Variants in KLHL32 observed in about 807,000 individuals in gnomAD.
KLHL32 encodes the protein kelch-like protein 32.
A neutral mutation model predicts 64.8 loss-of-function variants in KLHL32; 35 were observed. That is an observed-to-expected ratio of 0.54 (90% CI 0.41 to 0.72). The LOEUF is 0.72. KLHL32 is among the 30% of genes least tolerant of loss of function. KLHL32 has a pLI of 0.00. For synonymous variants in KLHL32, 259 were observed against 281.0 expected, an observed-to-expected ratio of 0.92 and a Z score of 0.78; for missense variants, 589 against 768.5, an observed-to-expected ratio of 0.77 and a Z score of 2.76.
At chr6:97,088,571 A>C (rs763512655) in intron 6 of KLHL32, among the ~76,000 whole-genome samples, 1 of 152,208 alleles carries the variant, frequency 6.6e-6, no homozygotes. Context: ...AAAGGGCACA[A>C]AACTTTCAGT....
intron 1 of KLHL32, among the ~76,000 whole-genome samples, chr6:96,961,119 C>CAT (rs1248883515): frequency 6.6e-6 from 1 of 152,178 alleles, no homozygotes; most frequent in African/African-American, 2.4e-5. Flanking sequence ...GCAAAGAAGA[C>CAT]ATATTTGGGG....
the KLHL32 span, among the ~76,000 whole-genome samples, chr6:96,911,546 C>A: frequency 1.3e-5 from 2 of 152,106 alleles, no homozygotes; most frequent in African/African-American, 4.8e-5. Flanking sequence ...ACCTTCTACC[C>A]CGAATCTCTT....
chr6:97,140,029 A>T lies in KLHL32; in HGVS notation c.*747A>T, dbSNP rs1221235606. 6.6e-6 allele frequency: 1 copy of T among 152,176 alleles called. No homozygotes were observed. Among genetic ancestry groups the T allele is most frequent in the East Asian group, 1.9e-4 (1 of 5,200 alleles). The allele number at this position is 152,176 out of a possible 1,614,324, so 9.4% of individuals were successfully genotyped here. On this transcript the variant is annotated 3_prime_UTR_variant, in exon 11 of 11. Transcript: ENST00000369261. ...AAGAAAAAGAAAAATGTTGTTACTGAAATTATAAGGTATTTTATTGTCTTT... is the reference window on the plus strand; with the variant it reads ...AAGAAAAAGAAAAATGTTGTTACTGTAATTATAAGGTATTTTATTGTCTTT...
intron 10 of KLHL32, among the ~76,000 whole-genome samples, chr6:97,137,102 T>C (rs1219538712): frequency 6.6e-6 from 1 of 152,200 alleles, no homozygotes; most frequent in Non-Finnish European, 1.5e-5. Context: ...ATTTACTTTT[T>C]GTATTTAATG....
At chr6:96,981,530 T>C (rs541239537) in intron 3 of KLHL32, among the ~76,000 whole-genome samples, 18 of 152,252 alleles carry the variant, frequency 1.2e-4, no homozygotes, top group Admixed American at 9.2e-4. Context: ...TTTTATATGA[T>C]TTTTAGAATC....
At chr6:96,986,252 T>A (rs1463947522) in intron 3 of KLHL32, among the ~76,000 whole-genome samples, 1 of 152,080 alleles carries the variant, frequency 6.6e-6, no homozygotes, top group African/African-American at 2.4e-5. Flanking sequence ...CAGAGGAGTA[T>A]CCGGCCGTGT....
At chr6:97,086,018 T>G (rs952820592) in intron 6 of KLHL32, among the ~76,000 whole-genome samples, 3 of 152,208 alleles carry the variant, frequency 2.0e-5, no homozygotes, top group African/African-American at 7.2e-5. Context: ...CCTTGAAAAA[T>G]CCACTTGGTG....
At chr6:97,049,436 A>G (rs1786477004) in intron 4 of KLHL32, among the ~76,000 whole-genome samples, 1 of 152,196 alleles carries the variant, frequency 6.6e-6, no homozygotes, top group Non-Finnish European at 1.5e-5. Flanking sequence ...ACAGAGTGGG[A>G]TGGTGGGAGA....
intron 7 of KLHL32, among the ~76,000 whole-genome samples, chr6:97,126,476 T>C (rs1198510511): frequency 2.0e-5 from 3 of 152,086 alleles, no homozygotes; most frequent in Non-Finnish European, 4.4e-5. Flanking sequence ...GAAACTTAGC[T>C]GGAAGTGTGA....
intron 4 of KLHL32, among the ~76,000 whole-genome samples, chr6:97,049,542 A>G (rs1233584010): frequency 7.5e-6 from 1 of 134,174 alleles, no homozygotes; most frequent in South Asian, 2.6e-4. Flanking sequence ...GCAGTTTACC[A>G]TGGGTAACTG....
chr6:97,052,758 A>G (rs1047876819), intron 4 of KLHL32, among the ~76,000 whole-genome samples: 1 of 152,218 alleles, frequency 6.6e-6, no homozygotes, highest in Non-Finnish European at 1.5e-5. Flanking sequence ...AATATTTTAA[A>G]TTTTATACCT....
intron 10 of KLHL32, among the ~76,000 whole-genome samples, chr6:97,135,645 A>T (rs945145406): frequency 6.6e-6 from 1 of 152,196 alleles, no homozygotes; most frequent in Non-Finnish European, 1.5e-5. Context: ...AAGTATCCCT[A>T]TAAGCATATG....
At chr6:97,000,949 T>C (rs1042793652) in intron 3 of KLHL32, among the ~76,000 whole-genome samples, 4 of 152,330 alleles carry the variant, frequency 2.6e-5, no homozygotes, top group Admixed American at 6.5e-5. Context: ...ATCTATTCTA[T>C]GAATCCAACT....
chr6:97,061,541 G>C (rs1312303626), intron 4 of KLHL32, among the ~76,000 whole-genome samples: 1 of 152,158 alleles, frequency 6.6e-6, no homozygotes, highest in African/African-American at 2.4e-5. Context: ...TGTGCTTTCA[G>C]ATCTTGGGGA....
At chr6:96,945,198 C>G (rs1582428870) in intron 1 of KLHL32, among the ~76,000 whole-genome samples, 2 of 152,182 alleles carry the variant, frequency 1.3e-5, no homozygotes, top group South Asian at 4.1e-4. Context: ...TCATTTAATC[C>G]TAGCACATGG....
At chr6:96,982,919 TC>T (rs1444733362) in intron 3 of KLHL32, among the ~76,000 whole-genome samples, 1 of 152,280 alleles carries the variant, frequency 6.6e-6, no homozygotes, top group Non-Finnish European at 1.5e-5. Flanking sequence ...AACACTATGT[TC>T]AATAGGAGTG....
intron 4 of KLHL32, among the ~76,000 whole-genome samples, chr6:97,063,834 A>G (rs80252902): frequency 2.6e-5 from 4 of 152,322 alleles, no homozygotes; most frequent in Non-Finnish European, 5.9e-5. Flanking sequence ...GGGCTGGGGC[A>G]TCACTAAAGG....
chr6:97,075,650 G>A (rs980847982), intron 5 of KLHL32, among the ~76,000 whole-genome samples: 3 of 152,026 alleles, frequency 2.0e-5, no homozygotes, highest in African/African-American at 2.4e-5. Flanking sequence ...AGACCTTACC[G>A]CACATCCACA....
chr6:96,916,492 C>G, the KLHL32 span, among the ~76,000 whole-genome samples: 1 of 152,212 alleles, frequency 6.6e-6, no homozygotes, highest in Non-Finnish European at 1.5e-5. Flanking sequence ...TACCATCCCA[C>G]AATTTACTGT....
Sources: allele counts gnomAD v4.1 joint callset (sites outside exome capture counted in the v4.1 genomes callset), GRCh38; gene constraint gnomAD v4.1.1; transcripts MANE v1.5; gene names NCBI Gene and HGNC (gene_info 2026-07-23, HGNC 2026-07-21).